TPD52: variants seen among roughly 807,000 people sequenced by gnomAD.
TPD52 encodes the protein prostate and colon associated protein.
Under a neutral mutation model 31.3 loss-of-function variants are expected in TPD52, and 17 were observed. That is an observed-to-expected ratio of 0.54 (90% CI 0.37 to 0.82). The LOEUF (loss-of-function observed/expected upper bound fraction) is 0.82, where lower values mean the gene tolerates loss of function less well. Ranked by LOEUF, TPD52 falls within the 40% of genes least tolerant of loss-of-function variation. TPD52 has a pLI of 0.00. For synonymous variants in TPD52, 83 were observed against 89.6 expected (o/e 0.93, Z 0.42); for missense variants, 212 against 240.1 (o/e 0.88, Z 0.77).
chr8:80,072,639 A>G lies in TPD52; in HGVS notation c.20-8046T>C, dbSNP rs577542503. Among the ~76,000 whole-genome samples the G allele has an allele frequency of 2.2e-5, 3 of 135,944 alleles. 1 individual carries two copies. The Admixed American group carries it at 2.3e-4, about 11-fold the overall frequency. 89.2% of individuals were successfully genotyped at this position (135,944 alleles called of 152,430 possible). A position where few individuals can be genotyped will look rare whatever the true frequency, so the allele number is the denominator to read the frequency against. On this transcript the variant is annotated intron_variant, in intron 1 of 7. Transcript: ENST00000518937. ...CATGTACACATAGATATGCGTGTAT[A>G]TACATGTACACAGATATGTGTGTAT...
At chr8:80,083,987 T>C (rs541313035) in intron 1 of TPD52, among the ~76,000 whole-genome samples, 4 of 152,196 alleles carry the variant, frequency 2.6e-5, no homozygotes, top group Non-Finnish European at 5.9e-5. Flanking sequence ...TCACTCCATA[T>C]GGAGAAAGCA....
intron 1 of TPD52, among the ~76,000 whole-genome samples, chr8:80,065,873 C>T (rs543030396): frequency 1.1e-4 from 17 of 151,546 alleles, no homozygotes; most frequent in Non-Finnish European, 2.2e-4. Context: ...CCTCAGCTGC[C>T]TTACCCTAGG....
chr8:80,041,494 G>C (rs948022818), intron 7 of TPD52, among the ~76,000 whole-genome samples: 4 of 152,108 alleles, frequency 2.6e-5, no homozygotes, highest in Non-Finnish European at 5.9e-5. Context: ...TCAGAGTTAG[G>C]AAGTAATGAA....
chr8:80,079,691 T>C (rs1221683854), intron 1 of TPD52, among the ~76,000 whole-genome samples: 1 of 152,202 alleles, frequency 6.6e-6, no homozygotes. Flanking sequence ...AAGCTGCTTC[T>C]GGCTTTCTGC....
chr8:80,147,229 G>C (rs568058796), intron 1 of TPD52, among the ~76,000 whole-genome samples: 9 of 152,306 alleles, frequency 5.9e-5, no homozygotes, highest in African/African-American at 2.2e-4. Flanking sequence ...GAAGTTAAAA[G>C]TACCATTTTT....
intron 1 of TPD52, 187 bp from the exon 2 acceptor site, chr8:80,064,780 T>C (rs758479597): frequency 1.4e-4 from 94 of 692,260 alleles, no homozygotes; most frequent in Non-Finnish European, 2.1e-4. Flanking sequence ...CACCGGAAAC[T>C]ACCAAGTAGA....
At chr8:80,040,280 C>T (rs1192396025) in intron 7 of TPD52, among the ~76,000 whole-genome samples, 4 of 149,222 alleles carry the variant, frequency 2.7e-5, no homozygotes, top group Admixed American at 2.7e-4. Context: ...CTCTGCCTCC[C>T]GGGCTCAAGC....
At chr8:80,161,903 A>G (rs1267255663) in intron 1 of TPD52, among the ~76,000 whole-genome samples, 1 of 151,598 alleles carries the variant, frequency 6.6e-6, no homozygotes, top group African/African-American at 2.4e-5. Flanking sequence ...CTAATTTTAT[A>G]TTTTTTGTAG....
At chr8:80,130,639 A>ATATT (rs1359247389) in intron 1 of TPD52, among the ~76,000 whole-genome samples, 11 of 152,224 alleles carry the variant, frequency 7.2e-5, no homozygotes, top group African/African-American at 2.7e-4. Flanking sequence ...ACTAGAAAAT[A>ATATT]TATTTCATAA....
chr8:80,135,026 C>A (rs1264423769), intron 1 of TPD52, among the ~76,000 whole-genome samples: 1 of 152,134 alleles, frequency 6.6e-6, no homozygotes, highest in Non-Finnish European at 1.5e-5. Context: ...TTCATGAATT[C>A]CCTTCCAGGA....
At chr8:80,132,763 A>T (rs1809110058) in intron 1 of TPD52, among the ~76,000 whole-genome samples, 1 of 152,170 alleles carries the variant, frequency 6.6e-6, no homozygotes, top group African/African-American at 2.4e-5. Context: ...CCCAGGATCT[A>T]AAAGCAGACG....
At chr8:80,085,261 G>GT (rs1377089608) in intron 1 of TPD52, among the ~76,000 whole-genome samples, 2 of 152,330 alleles carry the variant, frequency 1.3e-5, no homozygotes, top group African/African-American at 4.8e-5. Context: ...AGTAAAGTGC[G>GT]TATGTACTGC....
At chr8:80,159,795 G>C (rs185274776) in intron 1 of TPD52, among the ~76,000 whole-genome samples, 260 of 152,308 alleles carry the variant, frequency 1.7e-3, no homozygotes, top group African/African-American at 5.6e-3. Context: ...GTAATGCAAA[G>C]CTGAAGCTCT....
chr8:80,049,640 T>TTTCCTAAAGACTTTC (rs1194947758), intron 5 of TPD52, among the ~76,000 whole-genome samples: 31 of 152,178 alleles, frequency 2.0e-4, no homozygotes, highest in Non-Finnish European at 4.4e-4. Flanking sequence ...TCCTTCCTGC[T>TTTCCTAAAGACTTTC]TATACTCTAA....
intron 7 of TPD52, 70 bp from the exon 8 acceptor site, chr8:80,038,305 C>A: frequency 1.3e-6 from 2 of 1,521,384 alleles, no homozygotes; most frequent in Non-Finnish European, 1.8e-6. Flanking sequence ...CATAAAGTAA[C>A]TCTAATTCAC....
chr8:80,155,085 C>T (rs569025662), intron 1 of TPD52, among the ~76,000 whole-genome samples: 2 of 151,638 alleles, frequency 1.3e-5, no homozygotes, highest in Non-Finnish European at 2.9e-5. Flanking sequence ...GACACCTCCG[C>T]TTCCAGGGCT....
At chr8:80,134,113 A>T (rs1586365516) in intron 1 of TPD52, among the ~76,000 whole-genome samples, 2 of 152,222 alleles carry the variant, frequency 1.3e-5, no homozygotes, top group East Asian at 3.8e-4. Context: ...TCATTTATCA[A>T]TTAATTTTCT....
intron 1 of TPD52, among the ~76,000 whole-genome samples, chr8:80,129,598 A>G (rs932954981): frequency 3.3e-5 from 5 of 152,088 alleles, no homozygotes; most frequent in Non-Finnish European, 5.9e-5. Flanking sequence ...TGAGAACCAC[A>G]ATGTATGTTC....
intron 2 of TPD52, 77 bp downstream of exon 2, chr8:80,064,401 C>T (rs1400840617): frequency 4.3e-6 from 5 of 1,156,858 alleles, no homozygotes; most frequent in Non-Finnish European, 6.5e-6. Context: ...ATAAACATAT[C>T]ACCATGTACT....
Sources: allele counts gnomAD v4.1 joint callset (sites outside exome capture counted in the v4.1 genomes callset), GRCh38; gene constraint gnomAD v4.1.1; transcripts MANE v1.5; gene names NCBI Gene and HGNC (gene_info 2026-07-23, HGNC 2026-07-21).